Variants in APLP2 observed in about 807,000 individuals in gnomAD.
APLP2 encodes the protein amyloid beta precursor like protein 2.
In APLP2, 53 loss-of-function variants were observed where a neutral mutation model predicts 89.9. That is an observed-to-expected ratio of 0.59 (90% CI 0.47 to 0.74). APLP2 has a LOEUF of 0.74. APLP2 is among the 30% of genes least tolerant of loss of function. The pLI is 0.00. For synonymous variants in APLP2, 372 were observed against 348.6 expected, an observed-to-expected ratio of 1.07 and a Z score of -0.75; for missense variants, 973 against 975.9, an observed-to-expected ratio of 1.00 and a Z score of 0.04.
intron 4 of APLP2, 46 bp from the exon 5 acceptor site, chr11:130,121,568 G>T: frequency 6.5e-7 from 1 of 1,546,590 alleles, no homozygotes; most frequent in Non-Finnish European, 8.7e-7. Context: ...ATTTGACCAC[G>T]TTTACTCTGG....
At chr11:130,121,462 C>T (rs1362906221) in intron 4 of APLP2, 152 bp from the exon 5 acceptor site, 1 of 987,652 alleles carries the variant, frequency 1.0e-6, no homozygotes, top group Non-Finnish European at 1.4e-6. Flanking sequence ...AATATTATTA[C>T]AATTTTTTTT....
At position 130,136,004 on chromosome 11, in the gene APLP2, G is replaced by A. The variant is rs139442756; in HGVS notation, c.1837+289G>A. On this transcript the variant is annotated intron_variant, in intron 13 of 16. Transcript: ENST00000338167. ...CTTGTGCACTTCCTTACATGGGGGA[G>A]GCACTTGGCAGTTGAAACAGCGCCT... Among the ~76,000 whole-genome samples, 611 of 152,286 alleles carry A rather than the reference G, an allele frequency of 4.0e-3. 8 individuals are homozygous for A. The highest frequency in any genetic ancestry group is 0.014 in the African/African-American group (578 of 41,562).
chr11:130,075,847 T>C (rs1942032135), intron 1 of APLP2, among the ~76,000 whole-genome samples: 1 of 152,206 alleles, frequency 6.6e-6, no homozygotes, highest in Non-Finnish European at 1.5e-5. Flanking sequence ...TACTCATGTC[T>C]ACCTGTCTTT....
chr11:130,137,245 C>T, intron 13 of APLP2: 1 of 1,613,642 alleles, frequency 6.2e-7, no homozygotes, highest in Non-Finnish European at 8.5e-7. Context: ...TATTGTTTTC[C>T]TTTCTGCTAG....
At chr11:130,086,723 T>C (rs1944176128) in intron 1 of APLP2, among the ~76,000 whole-genome samples, 1 of 152,210 alleles carries the variant, frequency 6.6e-6, no homozygotes, top group South Asian at 2.1e-4. Context: ...AGGGTCCAGC[T>C]TCACTCTTCT....
In APLP2 at chr11:130,110,523, T is replaced by C. The variant is rs771968991; in HGVS notation, c.280-15T>C. The stretch of plus-strand genomic sequence containing the variant: ...GCAGATTGATTTATTGTGTGTGTGT[T>C]TGTTTTCTTAACAGATGTATCCAGA... On this transcript the variant is annotated splice_polypyrimidine_tract_variant and intron_variant, in intron 2 of 16. Transcript: ENST00000338167. 2 of 1,611,794 alleles carry C rather than the reference T, an allele frequency of 1.2e-6. No individual in the cohort carries two copies. Among genetic ancestry groups the C allele is most frequent in the Non-Finnish European group, 1.7e-6 (2 of 1,179,242 alleles).
At chr11:130,092,512 G>T (rs1164831517) in intron 1 of APLP2, among the ~76,000 whole-genome samples, 19 of 142,962 alleles carry the variant, frequency 1.3e-4, no homozygotes, top group Admixed American at 1.3e-3. Flanking sequence ...TCGCGGTTAG[G>T]GGCTGGAGAC....
At chr11:130,093,391 GA>G (rs1409935534) in intron 1 of APLP2, among the ~76,000 whole-genome samples, 1 of 152,218 alleles carries the variant, frequency 6.6e-6, no homozygotes, top group African/African-American at 2.4e-5. Flanking sequence ...AAGGAGAGAA[GA>G]GGGGGCATAA....
At chr11:130,129,337 A>G (rs1042842873) in intron 10 of APLP2, 131 bp downstream of exon 10, 1 of 1,084,962 alleles carries the variant, frequency 9.2e-7, no homozygotes, top group Non-Finnish European at 1.3e-6. Flanking sequence ...AAAGATGATG[A>G]GGGAGGAAAA....
chr11:130,118,084 A>G (rs1004922038), intron 3 of APLP2, among the ~76,000 whole-genome samples: 2 of 152,062 alleles, frequency 1.3e-5, no homozygotes, highest in Non-Finnish European at 1.5e-5. Flanking sequence ...CTCAAAAAAA[A>G]AAAAAAAAAT....
intron 1 of APLP2, among the ~76,000 whole-genome samples, chr11:130,099,948 G>A (rs1438994712): frequency 6.6e-6 from 1 of 152,170 alleles, no homozygotes; most frequent in Non-Finnish European, 1.5e-5. Flanking sequence ...CTCACAACAG[G>A]CCTGAGCCGT....
intron 3 of APLP2, among the ~76,000 whole-genome samples, chr11:130,117,401 C>G (rs1183108061): frequency 6.6e-6 from 1 of 152,140 alleles, no homozygotes; most frequent in Non-Finnish European, 1.5e-5. Flanking sequence ...GCTCACCCTC[C>G]TGATTTCAGT....
chr11:130,135,590 A>C lies in APLP2; in HGVS notation c.1712A>C (p.Asp571Ala). The change falls in exon 13 of 17, where the codon GAT (aspartate) becomes GCT (alanine). Residue 571 changes from aspartate (D) to alanine (A), a missense_variant. Asp to Ala is a moderately radical substitution (Grantham distance 126, BLOSUM62 -2). Transcript: ENST00000338167. ...IDELLQEQRA[D>A]MDQFTASISE... Reference sequence around the variant, plus strand: ...GAGCTCCTTCAGGAGCAGCGTGCAGATATGGACCAGTTCACTGCCTCAATC... The same window carrying C: ...GAGCTCCTTCAGGAGCAGCGTGCAGCTATGGACCAGTTCACTGCCTCAATC... 1 of 1,614,120 alleles carries C rather than the reference A, an allele frequency of 6.2e-7. No homozygotes were observed. Among genetic ancestry groups the C allele is most frequent in the Non-Finnish European group, 8.5e-7 (1 of 1,180,020 alleles).
chr11:130,133,695 C>T lies in APLP2; in HGVS notation c.1651C>T (p.Pro551Ser). 1.2e-6 allele frequency: 2 copies of T among 1,614,068 alleles called. No homozygotes were observed. The highest frequency in any genetic ancestry group is 1.7e-6 in the Non-Finnish European group (2 of 1,179,912). ...AAGCCTCTCTCTGCTCTACAAAGTACCTTATGTAGCCCAAGAAATTCAAGA... is the reference window on the plus strand; with the variant it reads ...AAGCCTCTCTCTGCTCTACAAAGTATCTTATGTAGCCCAAGAAATTCAAGA... ...NQSLSLLYKV[P>S]YVAQEIQEEI... is the part of the protein sequence containing the mutation. The change falls in exon 12 of 17, where the codon CCT becomes TCT. Residue 551 changes from proline (P) to serine (S), a missense_variant. By Grantham distance (74) the Pro-to-Ser change is moderately conservative. Transcript: ENST00000338167.
intron 6 of APLP2, among the ~76,000 whole-genome samples, chr11:130,122,714 A>G (rs537993384): frequency 6.6e-5 from 10 of 152,300 alleles, no homozygotes; most frequent in African/African-American, 2.2e-4. Context: ...CCAGGGAGAG[A>G]TGTAGGATTG....
Position 130,105,414 on chromosome 11 carries a change from CA to C in APLP2, c.106-4005del, listed in dbSNP as rs377512957. 6.4e-4 allele frequency among the ~76,000 whole-genome samples: 93 copies of C among 144,884 alleles called. No individual in the cohort carries two copies. The East Asian group carries it at 0.011, about 17-fold the overall frequency. ...TGGGTGACAGAGCAAGACCCTGTCT[CA>C]AAAAAAAAAGGGTGGGGGCATCAAA... is the stretch of plus-strand genomic sequence containing the variant. On this transcript the variant is annotated intron_variant, in intron 1 of 16. Coordinates refer to ENST00000338167, the MANE Select transcript of APLP2 (RefSeq NM_001142276.2).
intron 13 of APLP2, chr11:130,139,624 G>A (rs951619363): frequency 1.6e-4 from 25 of 152,208 alleles, no homozygotes; most frequent in African/African-American, 5.8e-4. Flanking sequence ...CGCCACACTC[G>A]AGTGATGTTG....
At chr11:130,109,184 A>G in intron 1 of APLP2, 1 of 248,350 alleles carries the variant, frequency 4.0e-6, no homozygotes, top group Non-Finnish European at 7.5e-6. Context: ...TGTTCCCTAG[A>G]ACTTAAAATA....
At chr11:130,070,592 C>T (rs1248480837) in intron 1 of APLP2, 5 of 1,345,862 alleles carry the variant, frequency 3.7e-6, no homozygotes, top group East Asian at 3.1e-5. Flanking sequence ...GACGCGGCCC[C>T]GGCCTTCGCG....
Sources: gnomAD v4.1 joint callset for allele counts (sites outside exome capture counted in the v4.1 genomes callset) on GRCh38, gnomAD v4.1.1 for gene constraint, MANE v1.5 for transcripts, NCBI Gene and HGNC (gene_info 2026-07-23, HGNC 2026-07-21) for gene names.